DACH1: variants seen among roughly 807,000 people sequenced by gnomAD.
DACH1 encodes the protein dachshund homolog 1.
Under a neutral mutation model 54.2 loss-of-function variants are expected in DACH1, and 12 were observed. The observed-to-expected ratio is 0.22, with a 90% CI of 0.14 to 0.36. The LOEUF is 0.36. Among genes scored for constraint, DACH1 ranks in the 10% least tolerant of loss-of-function variants. DACH1 has a pLI of 1.00. For synonymous variants in DACH1, 386 were observed against 366.2 expected, an observed-to-expected ratio of 1.05 and a Z score of -0.62; for missense variants, 805 against 929.8, an observed-to-expected ratio of 0.87 and a Z score of 1.75.
intron 3 of DACH1, among the ~76,000 whole-genome samples, chr13:71,608,690 G>T (rs920973283): frequency 1.3e-5 from 2 of 151,976 alleles, no homozygotes; most frequent in Non-Finnish European, 2.9e-5. Flanking sequence ...AATTATTCTA[G>T]AATTAATAAG....
intron 6 of DACH1, among the ~76,000 whole-genome samples, chr13:71,528,425 CTTTTTTTTTT>C: frequency 9.0e-6 from 1 of 111,124 alleles, no homozygotes; most frequent in Non-Finnish European, 1.7e-5. Context: ...AACAGATTTT[CTTTTTTTTTT>C]TTTTTTTTTT....
intron 1 of DACH1, among the ~76,000 whole-genome samples, chr13:71,757,562 C>T (rs1369716494): frequency 3.5e-5 from 5 of 142,858 alleles, no homozygotes; most frequent in South Asian, 2.2e-4. Flanking sequence ...CTTGCTCTGT[C>T]GCCCAGGCTG....
At chr13:71,596,202 G>A (rs1373535120) in intron 3 of DACH1, among the ~76,000 whole-genome samples, 1 of 152,000 alleles carries the variant, frequency 6.6e-6, no homozygotes, top group Non-Finnish European at 1.5e-5. Flanking sequence ...ACTGGAAATA[G>A]TGTATCTTGA....
At chr13:71,738,900 T>C (rs561210513) in intron 1 of DACH1, among the ~76,000 whole-genome samples, 21 of 151,690 alleles carry the variant, frequency 1.4e-4, no homozygotes, top group African/African-American at 4.8e-4. Context: ...TGGAAGACAA[T>C]GTACAAGAAG....
chr13:71,722,683 C>A (rs1296843696), intron 1 of DACH1, among the ~76,000 whole-genome samples: 1 of 152,066 alleles, frequency 6.6e-6, no homozygotes, highest in East Asian at 1.9e-4. Context: ...TACTGAAAAG[C>A]CAGACACACA....
At chr13:71,530,727 A>G (rs191865129) in intron 6 of DACH1, among the ~76,000 whole-genome samples, 14 of 152,334 alleles carry the variant, frequency 9.2e-5, no homozygotes, top group Middle Eastern at 3.4e-3. Context: ...GAATTAAGAT[A>G]ATCATATCCT....
chr13:71,693,469 ATTTT>A (rs748598587), intron 1 of DACH1, among the ~76,000 whole-genome samples: 141 of 119,268 alleles, frequency 1.2e-3, no homozygotes, highest in African/African-American at 4.8e-3. Context: ...CGCCCGGCAA[ATTTT>A]TTTTTTTTTT....
At chr13:71,782,270 G>A (rs1240158174) in intron 1 of DACH1, among the ~76,000 whole-genome samples, 6 of 151,954 alleles carry the variant, frequency 3.9e-5, no homozygotes, top group African/African-American at 7.2e-5. Flanking sequence ...GTGAAACCCC[G>A]TTTCTATTAA....
intron 2 of DACH1, among the ~76,000 whole-genome samples, chr13:71,653,822 G>A (rs1317170738): frequency 6.6e-6 from 1 of 151,636 alleles, no homozygotes; most frequent in Non-Finnish European, 1.5e-5. Flanking sequence ...TAACTTTCCA[G>A]AAAATATGAA....
At chr13:71,690,150 CA>C (rs1483163075) in intron 1 of DACH1, among the ~76,000 whole-genome samples, 2 of 152,056 alleles carry the variant, frequency 1.3e-5, no homozygotes, top group African/African-American at 4.8e-5. Context: ...GTAAATGCAT[CA>C]AACAGATTAC....
intron 1 of DACH1, among the ~76,000 whole-genome samples, chr13:71,783,929 C>T (rs1344987091): frequency 7.3e-6 from 1 of 137,020 alleles, no homozygotes; most frequent in Non-Finnish European, 1.5e-5. Flanking sequence ...GGTTGGCTCT[C>T]ATCCTGGGAG....
intron 10 of DACH1, chr13:71,464,710 C>CTGTT (rs1008981453): frequency 8.8e-6 from 4 of 453,348 alleles, no homozygotes; most frequent in African/African-American, 2.0e-5. Flanking sequence ...TTCACTTTAA[C>CTGTT]TGTTTTGATG....
At chr13:71,555,845 C>A (rs2138372656) in intron 6 of DACH1, among the ~76,000 whole-genome samples, 1 of 152,090 alleles carries the variant, frequency 6.6e-6, no homozygotes, top group African/African-American at 2.4e-5. Context: ...ATAAATAGCA[C>A]TTGATATCAA....
At chr13:71,702,605 A>G (rs1882199306) in intron 1 of DACH1, among the ~76,000 whole-genome samples, 1 of 152,188 alleles carries the variant, frequency 6.6e-6, no homozygotes, top group African/African-American at 2.4e-5. Flanking sequence ...ACAGGGAACA[A>G]TGCTGATTAA....
chr13:71,695,493 G>A (rs771043395), intron 1 of DACH1, among the ~76,000 whole-genome samples: 1 of 152,176 alleles, frequency 6.6e-6, no homozygotes, highest in Non-Finnish European at 1.5e-5. Context: ...GACAAAAAAA[G>A]CATTTAAGAT....
intron 1 of DACH1, among the ~76,000 whole-genome samples, chr13:71,689,049 T>C (rs1179669314): frequency 6.6e-6 from 1 of 152,172 alleles, no homozygotes; most frequent in African/African-American, 2.4e-5. Context: ...CTGCCATTGC[T>C]AGTGAGTTTG....
chr13:71,645,334 T>C (rs1188967396), intron 2 of DACH1, among the ~76,000 whole-genome samples: 2 of 152,178 alleles, frequency 1.3e-5, no homozygotes, highest in African/African-American at 4.8e-5. Flanking sequence ...AACACTGTAG[T>C]TTAGAATGTA....
At chr13:71,539,680 T>G (rs1437648620) in intron 6 of DACH1, among the ~76,000 whole-genome samples, 1 of 152,112 alleles carries the variant, frequency 6.6e-6, no homozygotes, top group African/African-American at 2.4e-5. Flanking sequence ...TATTTTATTT[T>G]TTAGTGAATT....
intron 1 of DACH1, among the ~76,000 whole-genome samples, chr13:71,748,527 C>T (rs1884709513): frequency 6.6e-6 from 1 of 152,166 alleles, no homozygotes; most frequent in African/African-American, 2.4e-5. Context: ...TATTTTCCAT[C>T]ATCCCCAGAA....
Sources: allele counts gnomAD v4.1 joint callset (sites outside exome capture counted in the v4.1 genomes callset), GRCh38; gene constraint gnomAD v4.1.1; transcripts MANE v1.5; gene names NCBI Gene and HGNC (gene_info 2026-07-23, HGNC 2026-07-21).